Variants in TBC1D22A observed in about 807,000 individuals in gnomAD.
The protein encoded by TBC1D22A is putative GTPase activator.
Under a neutral mutation model 60.2 loss-of-function variants are expected in TBC1D22A, and 38 were observed. That is an observed-to-expected ratio of 0.63 (90% CI 0.49 to 0.83). The LOEUF (loss-of-function observed/expected upper bound fraction) is 0.83, where lower values mean the gene tolerates loss of function less well. TBC1D22A is among the 40% of genes least tolerant of loss of function. The pLI, the probability that TBC1D22A is intolerant of heterozygous loss-of-function variation, is 0.00. For synonymous variants in TBC1D22A, 302 were observed against 281.7 expected (o/e 1.07, Z -0.72); for missense variants, 628 against 701.0 (o/e 0.90, Z 1.18).
At chr22:46,978,965 A>T (rs1317596717) in intron 9 of TBC1D22A, among the ~76,000 whole-genome samples, 1 of 152,126 alleles carries the variant, frequency 6.6e-6, no homozygotes, top group African/African-American at 2.4e-5. Context: ...CATTCATACT[A>T]TACTATTACT....
chr22:47,037,942 T>A (rs912711786), intron 11 of TBC1D22A, among the ~76,000 whole-genome samples: 1 of 152,198 alleles, frequency 6.6e-6, no homozygotes, highest in Non-Finnish European at 1.5e-5. Context: ...ACAGATTCAG[T>A]GTGTATGAAA....
chr22:47,017,610 C>T (rs1033246212), intron 10 of TBC1D22A, among the ~76,000 whole-genome samples: 6 of 152,240 alleles, frequency 3.9e-5, no homozygotes, highest in Admixed American at 2.6e-4. Context: ...GAGGTGGGGA[C>T]ACTCAGGCTT....
chr22:47,001,661 A>T (rs1250823563), intron 10 of TBC1D22A, among the ~76,000 whole-genome samples: 1 of 152,166 alleles, frequency 6.6e-6, no homozygotes, highest in Non-Finnish European at 1.5e-5. Context: ...CAGCCTAGAA[A>T]GGACTTCAGA....
At chr22:47,065,614 C>G (rs988149508) in intron 11 of TBC1D22A, among the ~76,000 whole-genome samples, 1 of 152,170 alleles carries the variant, frequency 6.6e-6, no homozygotes, top group African/African-American at 2.4e-5. Context: ...TGGGTCTCCA[C>G]GAGGACTTAG....
intron 11 of TBC1D22A, among the ~76,000 whole-genome samples, chr22:47,094,544 G>A (rs922749883): frequency 2.2e-4 from 34 of 152,124 alleles, no homozygotes; most frequent in African/African-American, 7.5e-4. Flanking sequence ...CTCTACAATG[G>A]CATGAGCCAA....
intron 4 of TBC1D22A, among the ~76,000 whole-genome samples, chr22:46,849,444 G>T (rs1262200315): frequency 6.6e-6 from 1 of 152,170 alleles, no homozygotes; most frequent in East Asian, 1.9e-4. Context: ...ACGCACTGTG[G>T]TCCTCACTGA....
At chr22:47,143,948 C>T (rs1198145718) in intron 12 of TBC1D22A, among the ~76,000 whole-genome samples, 1 of 152,230 alleles carries the variant, frequency 6.6e-6, no homozygotes, top group Admixed American at 6.5e-5. Context: ...CTCCAGCATC[C>T]TGTGTCCTGC....
chr22:46,809,289 A>G (rs751898246), intron 4 of TBC1D22A, among the ~76,000 whole-genome samples: 3 of 152,068 alleles, frequency 2.0e-5, no homozygotes, highest in African/African-American at 7.2e-5. Context: ...GGAGGTGGAG[A>G]GCGAGCGTGC....
intron 1 of TBC1D22A, among the ~76,000 whole-genome samples, chr22:46,770,917 T>A (rs1280730806): frequency 2.6e-5 from 4 of 152,168 alleles, no homozygotes; most frequent in Admixed American, 6.5e-5. Flanking sequence ...TTTCTCTTCT[T>A]GTTTGTGAGT....
intron 11 of TBC1D22A, among the ~76,000 whole-genome samples, chr22:47,041,355 C>T (rs567324546): frequency 6.6e-6 from 1 of 152,266 alleles, no homozygotes; most frequent in East Asian, 1.9e-4. Flanking sequence ...ATTCCTCTAC[C>T]ATTTGCTTCC....
intron 10 of TBC1D22A, among the ~76,000 whole-genome samples, chr22:47,030,364 C>T (rs143093328): frequency 5.1e-4 from 77 of 152,318 alleles, no homozygotes; most frequent in African/African-American, 1.8e-3. Flanking sequence ...CAATGGGATA[C>T]GTGTTTTTTC....
At chr22:46,781,139 T>TG (rs1199803730) in intron 1 of TBC1D22A, among the ~76,000 whole-genome samples, 1 of 102,012 alleles carries the variant, frequency 9.8e-6, no homozygotes, top group African/African-American at 3.4e-5. Context: ...CTCCCAATTT[T>TG]GTTTTTTTTT....
At chr22:47,090,106 G>A (rs574495233) in intron 11 of TBC1D22A, among the ~76,000 whole-genome samples, 26 of 152,208 alleles carry the variant, frequency 1.7e-4, no homozygotes, top group African/African-American at 5.3e-4. Flanking sequence ...GTGGGGGGGC[G>A]GTCCTCATCT....
intron 8 of TBC1D22A, among the ~76,000 whole-genome samples, chr22:46,947,743 G>A (rs376672756): frequency 0.23 from 12 of 52 alleles, no homozygotes; most frequent in Admixed American, 0.38. Context: ...GCCAGGAGTG[G>A]GAGGTGGCAG....
intron 8 of TBC1D22A, among the ~76,000 whole-genome samples, chr22:46,913,100 C>T (rs2070074152): frequency 6.6e-6 from 1 of 152,098 alleles, no homozygotes. Context: ...GCATATTTTT[C>T]CTTTATCACA....
chr22:46,786,646 T>G (rs932291662), intron 1 of TBC1D22A, among the ~76,000 whole-genome samples: 2 of 152,240 alleles, frequency 1.3e-5, no homozygotes, highest in Non-Finnish European at 2.9e-5. Flanking sequence ...CTTGGACTTT[T>G]CTTTGTGCGT....
chr22:46,871,791 C>T (rs1012281199), intron 4 of TBC1D22A, among the ~76,000 whole-genome samples: 1 of 152,010 alleles, frequency 6.6e-6, no homozygotes, highest in African/African-American at 2.4e-5. Flanking sequence ...AGAAGAAGAA[C>T]AAAAACCGAG....
intron 12 of TBC1D22A, among the ~76,000 whole-genome samples, chr22:47,160,066 A>C (rs1294806875): frequency 6.6e-6 from 1 of 151,710 alleles, no homozygotes; most frequent in African/African-American, 2.4e-5. Context: ...TACACTCAGC[A>C]CGTGAGGTGG....
chr22:46,964,493 G>A (rs11913054), intron 8 of TBC1D22A, among the ~76,000 whole-genome samples: 7,589 of 152,142 alleles, frequency 0.05, 584 homozygotes, highest in African/African-American at 0.17. Flanking sequence ...TTGAGAAATT[G>A]AAGTGCCATA....
Sources: gnomAD v4.1 joint callset for allele counts (sites outside exome capture counted in the v4.1 genomes callset) on GRCh38, gnomAD v4.1.1 for gene constraint, MANE v1.5 for transcripts, NCBI Gene and HGNC (gene_info 2026-07-23, HGNC 2026-07-21) for gene names.